Variants in SCPEP1 observed in about 807,000 individuals in gnomAD.
The protein encoded by SCPEP1 is serine carboxypeptidase 1, also known as retinoid-inducible serine carboxypeptidase.
SCPEP1 carries 51 observed loss-of-function variants against 63.8 expected under a neutral mutation model. The observed-to-expected ratio is 0.80, with a 90% CI of 0.64 to 1.01. The LOEUF is 1.01. Among genes scored for constraint, SCPEP1 ranks in the 50% least tolerant of loss-of-function variants. SCPEP1 has a pLI of 0.00. For synonymous variants in SCPEP1, 204 were observed against 207.8 expected (o/e 0.98, Z 0.16); for missense variants, 499 against 554.9 (o/e 0.90, Z 1.01).
chr17:56,994,198 G>A (rs1030435546), intron 6 of SCPEP1, among the ~76,000 whole-genome samples: 2 of 152,186 alleles, frequency 1.3e-5, no homozygotes, highest in African/African-American at 4.8e-5. Flanking sequence ...AACCTACTTT[G>A]AGACACTTTG....
At chr17:56,993,811 C>A (rs533662953) in intron 6 of SCPEP1, among the ~76,000 whole-genome samples, 1 of 152,316 alleles carries the variant, frequency 6.6e-6, no homozygotes, top group East Asian at 1.9e-4. Flanking sequence ...AGTAGTTCAA[C>A]CGAGATAGGC....
intron 6 of SCPEP1, among the ~76,000 whole-genome samples, chr17:56,993,596 A>G (rs1193574452): frequency 6.6e-6 from 1 of 152,164 alleles, no homozygotes; most frequent in African/African-American, 2.4e-5. Flanking sequence ...GGTGCCCACC[A>G]CTACGCCTGG....
At chr17:56,994,411 T>G (rs2144495448) in intron 6 of SCPEP1, among the ~76,000 whole-genome samples, 1 of 152,350 alleles carries the variant, frequency 6.6e-6, no homozygotes, top group South Asian at 2.1e-4. Flanking sequence ...TTACTCACAT[T>G]TATATCTTAA....
chr17:56,998,351 C>G (rs748557454), intron 9 of SCPEP1, 34 bp from the exon 10 acceptor site: 2 of 1,460,564 alleles, frequency 1.4e-6, no homozygotes, highest in Non-Finnish European at 1.9e-6. Context: ...TTACTTCCAG[C>G]CCTTTGACTC....
intron 2 of SCPEP1, among the ~76,000 whole-genome samples, chr17:56,981,879 C>T (rs535336171): frequency 6.6e-6 from 1 of 152,250 alleles, no homozygotes; most frequent in Admixed American, 6.5e-5. Context: ...CCTGAGGTAG[C>T]CTGACCCTCC....
intron 8 of SCPEP1, 61 bp from the exon 9 acceptor site, chr17:56,996,901 G>C: frequency 8.9e-7 from 1 of 1,127,724 alleles, no homozygotes. Context: ...GTGTCCTTCT[G>C]TTTGGCAGCT....
chr17:57,000,657 T>C (rs1392343281), intron 10 of SCPEP1, among the ~76,000 whole-genome samples, 198 bp from the exon 11 acceptor site: 1 of 152,228 alleles, frequency 6.6e-6, no homozygotes, highest in Admixed American at 6.5e-5. Flanking sequence ...CTCAAGAGAA[T>C]GGACCACATG....
intron 4 of SCPEP1, 137 bp downstream of exon 4, chr17:56,987,987 T>A: frequency 1.0e-6 from 1 of 1,002,706 alleles, no homozygotes; most frequent in South Asian, 1.7e-5. Flanking sequence ...CAAGATTGGG[T>A]TGTGGACTTT....
At chr17:56,995,383 C>T (rs1276993694) in intron 7 of SCPEP1, 124 bp from the exon 8 acceptor site, 1 of 1,013,446 alleles carries the variant, frequency 9.9e-7, no homozygotes, top group Non-Finnish European at 1.5e-6. Context: ...TAACAATACA[C>T]TTTGATATGT....
At chr17:56,996,332 G>A (rs1250363021) in intron 8 of SCPEP1, among the ~76,000 whole-genome samples, 2 of 151,118 alleles carry the variant, frequency 1.3e-5, no homozygotes, top group African/African-American at 4.9e-5. Context: ...AGCCTCCCGA[G>A]TAGCTGAGAT....
At chr17:56,983,253 G>C (rs1911119234) in intron 2 of SCPEP1, 1 of 152,546 alleles carries the variant, frequency 6.6e-6, no homozygotes. Flanking sequence ...GAGGAGAGAG[G>C]AGAGGGAGAG....
chr17:56,993,011 TTGAGGGAG>T (rs1911445617), intron 6 of SCPEP1, among the ~76,000 whole-genome samples: 1 of 152,170 alleles, frequency 6.6e-6, no homozygotes, highest in Non-Finnish European at 1.5e-5. Context: ...ACATTGGTTT[TTGAGGGAG>T]AAGTATTGTT....
intron 1 of SCPEP1, 66 bp from the exon 2 acceptor site, chr17:56,981,016 C>A: frequency 6.4e-7 from 1 of 1,572,762 alleles, no homozygotes; most frequent in Non-Finnish European, 8.7e-7. Flanking sequence ...GCTGTCTCTA[C>A]CAGGCTTGGA....
chr17:56,980,390 C>T (rs1007537437), intron 1 of SCPEP1, among the ~76,000 whole-genome samples: 6 of 152,182 alleles, frequency 3.9e-5, no homozygotes, highest in Non-Finnish European at 5.9e-5. Flanking sequence ...GTTGGGATTA[C>T]AGGAGTGAGC....
rs775811077 is a variant in SCPEP1, at chr17:57,002,201, C to T, written c.1296+20C>T. On this transcript the variant is annotated intron_variant, in intron 12 of 12. Transcript: ENST00000262288. ...CATATGGTAAGAAAGAGCTTTTGTTCCAGACTTAAAAATCATCCTGAGAGG... is the reference window on the plus strand; with the variant it reads ...CATATGGTAAGAAAGAGCTTTTGTTTCAGACTTAAAAATCATCCTGAGAGG... 7 of 1,609,794 alleles carry T rather than the reference C, an allele frequency of 4.3e-6. No individual in the cohort carries two copies. The highest frequency in any genetic ancestry group is 4.0e-5 in the African/African-American group (3 of 74,780).
intron 9 of SCPEP1, chr17:56,998,039 C>T (rs375128956): frequency 2.3e-4 from 52 of 224,536 alleles, no homozygotes; most frequent in Middle Eastern, 1.9e-3. Context: ...CATGGCCAGG[C>T]GTGGTGGCTC....
intron 3 of SCPEP1, among the ~76,000 whole-genome samples, chr17:56,986,536 G>A (rs1016671349): frequency 5.1e-5 from 7 of 136,566 alleles, no homozygotes; most frequent in Admixed American, 3.7e-4. Context: ...GTCTTTCTTT[G>A]TTTTTTTTTT....
chr17:56,987,493 G>A (rs956048026), intron 3 of SCPEP1: 4 of 412,120 alleles, frequency 9.7e-6, no homozygotes, highest in African/African-American at 8.3e-5. Flanking sequence ...GGCGGCGGGG[G>A]CGGTTGGCCT....
chr17:56,995,610 G>A lies in SCPEP1; in HGVS notation c.761G>A (p.Gly254Glu), dbSNP rs754129749. ...GLYREATELW[G>E]KAEMIIEQNT... ...TACAGAGAGGCCACAGAGCTGTGGGGGAAAGCAGAAATGATCATTGAACAG... is the reference window on the plus strand; with the variant it reads ...TACAGAGAGGCCACAGAGCTGTGGGAGAAAGCAGAAATGATCATTGAACAG... The change falls in exon 8 of 13, where the codon GGG becomes GAG. Residue 254 changes from glycine (G) to glutamate (E), a missense_variant. By Grantham distance (98) the Gly-to-Glu change is moderately conservative (BLOSUM62 -2). Coordinates refer to ENST00000262288, the MANE Select transcript of SCPEP1 (RefSeq NM_021626.3). 1.2e-6 allele frequency: 2 copies of A among 1,614,000 alleles called. No individual in the cohort carries two copies. Among genetic ancestry groups the A allele is most frequent in the Non-Finnish European group, 8.5e-7 (1 of 1,179,958 alleles).
Sources: gnomAD v4.1 joint callset for allele counts (sites outside exome capture counted in the v4.1 genomes callset) on GRCh38, gnomAD v4.1.1 for gene constraint, MANE v1.5 for transcripts, NCBI Gene and HGNC (gene_info 2026-07-23, HGNC 2026-07-21) for gene names.